Variants in NUPR2 observed in about 807,000 individuals in gnomAD.
NUPR2 encodes the protein nuclear protein 2, transcriptional regulator, also known as nuclear protein 2.
A neutral mutation model predicts 7.3 loss-of-function variants in NUPR2; 14 were observed. That is an observed-to-expected ratio of 1.93 (90% CI 1.27 to 3.01). The LOEUF (loss-of-function observed/expected upper bound fraction) is 3.01. Among genes scored for constraint, NUPR2 ranks in the 30% most tolerant of loss-of-function variants. The pLI is 0.00. For missense variants in NUPR2, 162 were observed against 143.7 expected (o/e 1.13, Z -0.65); for synonymous variants, 56 against 59.7 (o/e 0.94, Z 0.29).
intron 1 of NUPR2, among the ~76,000 whole-genome samples, 185 bp from the exon 2 acceptor site, chr7:56,115,082 C>T (rs1785516783): frequency 6.6e-6 from 1 of 152,004 alleles, no homozygotes; most frequent in Admixed American, 6.6e-5. Context: ...ACTACAAGCA[C>T]GCGCCACCAC....
At chr7:56,115,139 T>C (rs1785518418) in intron 1 of NUPR2, among the ~76,000 whole-genome samples, 1 of 151,902 alleles carries the variant, frequency 6.6e-6, no homozygotes. Flanking sequence ...TTTCACCACG[T>C]TGACCAGGCT....
rs1045477039 is a variant in NUPR2 at position 56,114,911 on chromosome 7, A to T, written c.*7-14T>A. 1 of 152,204 alleles carries T rather than the reference A, an allele frequency of 6.6e-6. No individual in the cohort carries two copies. The highest frequency in any genetic ancestry group is 2.4e-5 in the African/African-American group (1 of 41,448). 9.4% of individuals were successfully genotyped at this position (152,204 alleles called of 1,614,324 possible). A position where few individuals can be genotyped will look rare whatever the true frequency, so the allele number is the denominator to read the frequency against. Reference sequence around the variant, plus strand: ...TCCTTCGGTATCCTGTAGGAAATACAGACAAAAACGCAGGTCATTTACTTT... The same window carrying T: ...TCCTTCGGTATCCTGTAGGAAATACTGACAAAAACGCAGGTCATTTACTTT... On this transcript the variant is annotated splice_polypyrimidine_tract_variant and intron_variant, in intron 1 of 1. Transcript: ENST00000329309.
chr7:56,115,931 C>T, intron 1 of NUPR2, 84 bp downstream of exon 1: 1 of 1,265,000 alleles, frequency 7.9e-7, no homozygotes, highest in Non-Finnish European at 1.0e-6. Flanking sequence ...GCCGACTCTG[C>T]CCAGGGCGAG....
chr7:56,116,149 G>C lies in NUPR2; in HGVS notation c.166C>G (p.Gln56Glu), dbSNP rs1785547131. ...GCAGGCCAGTTGGTGCGCAGCGCCT[G>C]CTCGCGCCGAGTCCGGCCCTTGCTG... ...GRSKGRTRRE[Q>E]ALRTNWPAPG... The change falls in exon 1 of 2, where the codon CAG becomes GAG. Residue 56 changes from glutamine to glutamate, a missense_variant. Transcript: ENST00000329309. 1.9e-6 allele frequency: 3 copies of C among 1,546,766 alleles called. No homozygotes were observed. In the East Asian group the frequency reaches 7.4e-5, roughly 38 times the overall value.
Position 56,116,151 on chromosome 7 carries a change from TCGCGCCGAGTCCGGCCCTTGCTG to T in NUPR2, c.141_163del (p.Ser48AlafsTer57). The T allele has an allele frequency of 6.5e-7, 1 of 1,546,982 alleles. No homozygotes were observed. Among genetic ancestry groups the T allele is most frequent in the South Asian group, 1.2e-5 (1 of 83,606 alleles). On this transcript the variant is annotated frameshift_variant, in exon 1 of 2. Coordinates refer to ENST00000329309, the MANE Select transcript of NUPR2 (RefSeq NM_001145712.2). LOFTEE classifies it high-confidence loss of function. The stretch of plus-strand genomic sequence containing the variant: ...AGGCCAGTTGGTGCGCAGCGCCTGC[TCGCGCCGAGTCCGGCCCTTGCTG>T]CGCCCTGCCCCGCAGGCCGGGAAGT...
intron 1 of NUPR2, 46 bp downstream of exon 1, chr7:56,115,969 T>C: frequency 7.2e-7 from 1 of 1,390,162 alleles, no homozygotes; most frequent in South Asian, 1.5e-5. Flanking sequence ...GGGACGCTCC[T>C]AGGGTCCCCG....
chr7:56,115,415 A>G (rs1421873548), intron 1 of NUPR2, among the ~76,000 whole-genome samples: 1 of 52,208 alleles, frequency 1.9e-5, no homozygotes, highest in Non-Finnish European at 3.2e-5. Context: ...ATATATATAT[A>G]TATATATATA....
chr7:56,115,435 G>GCATATATATATATATA (rs1785530556), intron 1 of NUPR2, among the ~76,000 whole-genome samples: 2 of 32,230 alleles, frequency 6.2e-5, no homozygotes, highest in Non-Finnish European at 1.0e-4. Flanking sequence ...ATATTTGTGT[G>GCATATATATATATATA]TGTGTGTGTG....
chr7:56,115,879 A>AGCTG, intron 1 of NUPR2, 136 bp downstream of exon 1: 2 of 668,602 alleles, frequency 3.0e-6, no homozygotes, highest in African/African-American at 1.9e-5. Flanking sequence ...TAAGAGGCCA[A>AGCTG]GCTGGCGGGT....
chr7:56,116,368 G>A lies in NUPR2; in HGVS notation c.-54C>T. On this transcript the variant is annotated 5_prime_UTR_variant, in exon 1 of 2. Coordinates refer to ENST00000329309, the MANE Select transcript of NUPR2 (RefSeq NM_001145712.2). ...CACCTGCCCGCGTCTGGGCGCTCCT[G>A]GAAGACCCAGCAGCCCCGCCTCGAG... 1.8e-6 allele frequency: 2 copies of A among 1,107,968 alleles called. No individual in the cohort carries two copies. The highest frequency in any genetic ancestry group is 2.4e-6 in the Non-Finnish European group (2 of 835,972). 68.6% of individuals were successfully genotyped at this position (1,107,968 alleles called of 1,614,324 possible).
At position 56,116,298 on chromosome 7, in the gene NUPR2, T is replaced by C. The variant is rs767022762; in HGVS notation, c.17A>G (p.Glu6Gly). The change falls in exon 1 of 2, where the codon GAG (glutamate) becomes GGG (glycine). Residue 6 changes from glutamate (E) to glycine (G), a missense_variant. Physicochemically the swap from Glu to Gly is moderately conservative, Grantham distance 98 (BLOSUM62 -2). Transcript: ENST00000329309. ...AGCCTGCAGACGTGGAAGCGCCCGC[T>C]CTGCGGGCGCTTCCATCCTGCCCAG... MEAPA[E>G]RALPRLQALA... 50 of 1,309,716 alleles carry C rather than the reference T, an allele frequency of 3.8e-5. No homozygotes were observed. Among genetic ancestry groups the C allele is most frequent in the Non-Finnish European group, 4.4e-5 (44 of 992,500 alleles). The allele number at this position is 1,309,716 out of a possible 1,614,324, so 81.1% of individuals were successfully genotyped here.
chr7:56,115,092 C>T (rs544068384), intron 1 of NUPR2, among the ~76,000 whole-genome samples, 195 bp from the exon 2 acceptor site: 1 of 152,022 alleles, frequency 6.6e-6, no homozygotes, highest in Non-Finnish European at 1.5e-5. Flanking sequence ...CGCGCCACCA[C>T]GCCCAGCTTA....
At position 56,116,274 on chromosome 7, in the gene NUPR2, G is replaced by A; in HGVS notation, c.41C>T (p.Ala14Val). 2.0e-6 allele frequency: 3 copies of A among 1,505,912 alleles called. No homozygotes were observed. Among genetic ancestry groups the A allele is most frequent in the Non-Finnish European group, 2.7e-6 (3 of 1,130,790 alleles). The allele number at this position is 1,505,912 out of a possible 1,614,324, so 93.3% of individuals were successfully genotyped here. A position where few individuals can be genotyped will look rare whatever the true frequency, so the allele number is the denominator to read the frequency against. The change falls in exon 1 of 2, where the codon GCT becomes GTT. Residue 14 changes from alanine to valine, a missense_variant. By Grantham distance (64) the Ala-to-Val change is moderately conservative. Transcript: ENST00000329309. ...TATGGGTGGCGGCGGCCGAGCCAGA[G>A]CCTGCAGACGTGGAAGCGCCCGCTC... Reference protein sequence around the residue: ...PAERALPRLQALARPPPPISY... With the variant: ...PAERALPRLQVLARPPPPISY...
chr7:56,115,899 TA>T, intron 1 of NUPR2, 115 bp downstream of exon 1: 1 of 926,756 alleles, frequency 1.1e-6, no homozygotes, highest in Non-Finnish European at 1.5e-6. Context: ...TGCGGTTCCC[TA>T]ATACGGTTCC....
intron 1 of NUPR2, among the ~76,000 whole-genome samples, chr7:56,115,520 A>G (rs1584650411): frequency 7.4e-6 from 1 of 134,264 alleles, no homozygotes; most frequent in South Asian, 2.3e-4. Context: ...CAGTGGCACG[A>G]TCTCGGCTAA....
chr7:56,114,886 T>C lies in NUPR2; in HGVS notation c.*18A>G, dbSNP rs1313677551. On this transcript the variant is annotated 3_prime_UTR_variant, in exon 2 of 2. Transcript: ENST00000329309. ...AGTTACAGTAAATACTTCGAACAGG[T>C]CCTTCGGTATCCTGTAGGAAATACA... 1 of 152,202 alleles carries C rather than the reference T, an allele frequency of 6.6e-6. No homozygotes were observed. The highest frequency in any genetic ancestry group is 1.5e-5 in the Non-Finnish European group (1 of 68,044). The allele number at this position is 152,202 out of a possible 1,614,324, so 9.4% of individuals were successfully genotyped here.
intron 1 of NUPR2, 140 bp downstream of exon 1, chr7:56,115,875 G>T: frequency 1.6e-6 from 1 of 635,528 alleles, no homozygotes; most frequent in Non-Finnish European, 2.5e-6. Context: ...GCCATAAGAG[G>T]CCAAGCTGGC....
At chr7:56,115,936 G>C (rs891268833) in intron 1 of NUPR2, 79 bp downstream of exon 1, 42 of 1,284,338 alleles carry the variant, frequency 3.3e-5, no homozygotes, top group Non-Finnish European at 4.2e-5. Context: ...CTCTGCCCAG[G>C]GCGAGCAGCG....
intron 1 of NUPR2, among the ~76,000 whole-genome samples, chr7:56,115,413 A>ACATATG (rs1285875592): frequency 0.18 from 8,257 of 45,718 alleles, 1,429 homozygotes; most frequent in African/African-American, 0.26. Context: ...ATATATATAT[A>ACATATG]TATATATATA....
Sources: gnomAD v4.1 joint callset for allele counts (sites outside exome capture counted in the v4.1 genomes callset) on GRCh38, gnomAD v4.1.1 for gene constraint, MANE v1.5 for transcripts, NCBI Gene and HGNC (gene_info 2026-07-23, HGNC 2026-07-21) for gene names.